HMCN1: variants seen among roughly 807,000 people sequenced by gnomAD.
The protein encoded by HMCN1 is hemicentin-1.
Under a neutral mutation model 625.9 loss-of-function variants are expected in HMCN1, and 321 were observed. The ratio of observed to expected loss-of-function variants is 0.51; its 90% CI spans 0.47 to 0.56. The LOEUF is 0.56. HMCN1 is among the 20% of genes least tolerant of loss of function. The pLI is 0.00. For missense variants in HMCN1, 6,588 were observed against 6,887.3 expected (o/e 0.96, Z 1.54); for synonymous variants, 2,425 against 2,417.6 (o/e 1.00, Z -0.09).
intron 1 of HMCN1, among the ~76,000 whole-genome samples, chr1:185,820,921 T>C (rs1304688765): frequency 6.6e-6 from 1 of 152,160 alleles, no homozygotes; most frequent in East Asian, 1.9e-4. Context: ...TTTTAATATG[T>C]GGATTTTGAA....
intron 7 of HMCN1, 115 bp downstream of exon 7, chr1:185,922,614 C>A: frequency 2.1e-6 from 2 of 970,866 alleles, no homozygotes; most frequent in African/African-American, 1.6e-5. Flanking sequence ...AGAAGCATAG[C>A]TTTAAATGTG....
At chr1:185,926,555 C>T (rs1667287078) in intron 9 of HMCN1, among the ~76,000 whole-genome samples, 2 of 152,178 alleles carry the variant, frequency 1.3e-5, no homozygotes, top group African/African-American at 4.8e-5. Context: ...TTCATTAATT[C>T]CACACAGTTC....
chr1:186,153,477 A>G (rs923335723), intron 96 of HMCN1, among the ~76,000 whole-genome samples: 4 of 152,134 alleles, frequency 2.6e-5, no homozygotes, highest in Admixed American at 2.6e-4. Flanking sequence ...TACCAATGTA[A>G]TGATGAGAAA....
chr1:185,880,810 G>A (rs1464570644), intron 4 of HMCN1, among the ~76,000 whole-genome samples: 1 of 152,242 alleles, frequency 6.6e-6, no homozygotes, highest in Non-Finnish European at 1.5e-5. Flanking sequence ...CTACTGCTAT[G>A]TGTTAGTTAT....
intron 35 of HMCN1, among the ~76,000 whole-genome samples, chr1:186,021,750 A>G (rs4650691): frequency 0.64 from 97,433 of 151,816 alleles, 32,938 homozygotes; most frequent in African/African-American, 0.88. Flanking sequence ...TTCATTCTGG[A>G]AAAGGTGGAG....
chr1:186,141,384 T>A (rs1298979584), intron 89 of HMCN1, among the ~76,000 whole-genome samples: 1 of 152,214 alleles, frequency 6.6e-6, no homozygotes, highest in East Asian at 1.9e-4. Flanking sequence ...GGCTTCAGTG[T>A]TGAGATGTCC....
At chr1:185,988,739 A>T (rs769158257) in intron 20 of HMCN1, among the ~76,000 whole-genome samples, 3 of 152,126 alleles carry the variant, frequency 2.0e-5, no homozygotes, top group Non-Finnish European at 4.4e-5. Context: ...TCTACCACTG[A>T]TGGGCTTTGT....
intron 1 of HMCN1, among the ~76,000 whole-genome samples, chr1:185,844,513 AATT>A (rs1267534554): frequency 6.6e-6 from 1 of 152,198 alleles, no homozygotes; most frequent in African/African-American, 2.4e-5. Flanking sequence ...TTGGCTAATT[AATT>A]ATTATTCTTT....
Position 186,003,795 on chromosome 1 carries a change from C to G in HMCN1, c.4426C>G (p.Gln1476Glu). The change falls in exon 29 of 107, where the codon CAG becomes GAG. Residue 1476 changes from glutamine to glutamate, a missense_variant. Around this residue, in one of 3 missense-constraint regions of HMCN1, gnomAD observed 4,628 missense variants for 4,853.1 expected, o/e 0.95. Coordinates refer to ENST00000271588, the MANE Select transcript of HMCN1 (RefSeq NM_031935.3). ...CAACCGTGACGTCGCCCTTGAATGC[C>G]AGGTCAAAGGCACTCCCTTTCCTGA... ...VLNRDVALEC[Q>E]VKGTPFPDIH... is the part of the protein sequence containing the mutation. 6.2e-7 allele frequency: 1 copy of G among 1,612,982 alleles called. No homozygotes were observed. Among genetic ancestry groups the G allele is most frequent in the Admixed American group, 1.7e-5 (1 of 59,948 alleles).
At chr1:186,142,500 A>G (rs1266442555) in intron 89 of HMCN1, among the ~76,000 whole-genome samples, 1 of 152,194 alleles carries the variant, frequency 6.6e-6, no homozygotes, top group African/African-American at 2.4e-5. Context: ...AGAACAATTT[A>G]TATTGCTCTG....
chr1:186,081,267 A>G lies in HMCN1; in HGVS notation c.8660A>G (p.Asn2887Ser). ...DLPEEVTVLV[N>S]KSALIECLSS... ...CCTGAAGAGGTCACCGTGCTGGTGA[A>G]CAAGAGTGCACTGATAGAGTGTTTA... The change falls in exon 56 of 107, where the codon AAC becomes AGC. Residue 2887 changes from asparagine to serine, a missense_variant. Around this residue, in one of 3 missense-constraint regions of HMCN1, gnomAD observed 4,628 missense variants for 4,853.1 expected, o/e 0.95. Coordinates refer to ENST00000271588, the MANE Select transcript of HMCN1 (RefSeq NM_031935.3). The G allele has an allele frequency of 6.2e-7, 1 of 1,613,674 alleles. No homozygotes were observed. Among genetic ancestry groups the G allele is most frequent in the South Asian group, 1.1e-5 (1 of 91,070 alleles).
intron 10 of HMCN1, among the ~76,000 whole-genome samples, chr1:185,931,428 A>T (rs1226051286): frequency 6.6e-6 from 1 of 152,122 alleles, no homozygotes; most frequent in Non-Finnish European, 1.5e-5. Context: ...CATATGCCTA[A>T]ATATTTCAAT....
At position 186,007,128 on chromosome 1, in the gene HMCN1, G is replaced by T; in HGVS notation, c.4476G>T (p.Lys1492Asn). ...FPDIHWFKDG[K>N]PLFLGDPNVE... ...TGGAATAAAGTTTTATTTTTTCTAGGCCTTTATTTTTGGGCGATCCTAATG... is the reference window on the plus strand; with the variant it reads ...TGGAATAAAGTTTTATTTTTTCTAGTCCTTTATTTTTGGGCGATCCTAATG... The change falls in exon 30 of 107, where the codon AAG becomes AAT. Residue 1492 changes from lysine to asparagine, a missense_variant and splice_region_variant. Lys to Asn is a moderately conservative substitution (Grantham distance 94, BLOSUM62 0). Around this residue, in one of 3 missense-constraint regions of HMCN1, gnomAD observed 4,628 missense variants for 4,853.1 expected, o/e 0.95. Transcript: ENST00000271588. 1 of 1,609,198 alleles carries T rather than the reference G, an allele frequency of 6.2e-7. No homozygotes were observed. The highest frequency in any genetic ancestry group is 8.5e-7 in the Non-Finnish European group (1 of 1,175,912).
chr1:185,960,558 T>C (rs1649940927), intron 11 of HMCN1, among the ~76,000 whole-genome samples: 1 of 152,198 alleles, frequency 6.6e-6, no homozygotes. Flanking sequence ...CTGTATTTGC[T>C]CAATGACCTC....
chr1:185,801,388 G>A lies in HMCN1; in HGVS notation c.269-44638G>A, dbSNP rs114091199. On this transcript the variant is annotated intron_variant, in intron 1 of 106. Transcript: ENST00000271588. ...TCCAACAACTGCAGGTTGTTCTAAC[G>A]GTTCAGTACTCTAGGTTTGTAGTTT... Among the ~76,000 whole-genome samples, 1,212 of 152,148 alleles carry A rather than the reference G, an allele frequency of 8.0e-3. 12 individuals carry two copies. The highest frequency in any genetic ancestry group is 0.028 in the African/African-American group (1,160 of 41,506).
At chr1:185,980,862 C>T in intron 16 of HMCN1, 116 bp from the exon 17 acceptor site, 1 of 773,400 alleles carries the variant, frequency 1.3e-6, no homozygotes, top group Non-Finnish European at 2.4e-6. Context: ...GTGTATGTCC[C>T]TTCTTCAACC....
At chr1:185,920,364 A>T (rs1158793861) in intron 6 of HMCN1, among the ~76,000 whole-genome samples, 1 of 152,186 alleles carries the variant, frequency 6.6e-6, no homozygotes, top group Non-Finnish European at 1.5e-5. Flanking sequence ...TTATTTACAA[A>T]CACTTAAATT....
intron 10 of HMCN1, among the ~76,000 whole-genome samples, chr1:185,929,309 T>C (rs1667429857): frequency 1.3e-5 from 2 of 152,160 alleles, no homozygotes; most frequent in African/African-American, 4.8e-5. Context: ...CTAATTATTT[T>C]ACATTCAGAT....
At chr1:185,780,820 G>T (rs543569794) in intron 1 of HMCN1, among the ~76,000 whole-genome samples, 5 of 152,102 alleles carry the variant, frequency 3.3e-5, no homozygotes, top group African/African-American at 4.8e-5. Context: ...TTTTTTTGTT[G>T]TGTCTCTGCC....
Sources: gnomAD v4.1 joint callset for allele counts (sites outside exome capture counted in the v4.1 genomes callset) on GRCh38, gnomAD v4.1.1 for gene constraint, gnomAD v4.1.1 regional missense constraint, MANE v1.5 for transcripts, NCBI Gene and HGNC (gene_info 2026-07-23, HGNC 2026-07-21) for gene names.